The following CFAP61 variants were observed in gnomAD, a reference collection of about 807,000 sequenced individuals.
CFAP61 encodes the protein cilia and flagella associated protein 61.
Under a neutral mutation model 135.6 loss-of-function variants are expected in CFAP61, and 107 were observed. That is an observed-to-expected ratio of 0.79 (90% CI 0.67 to 0.93). CFAP61 has a LOEUF of 0.93. CFAP61 is among the 40% of genes least tolerant of loss of function. The pLI is 0.00. For synonymous variants in CFAP61, 575 were observed against 578.5 expected (o/e 0.99, Z 0.09); for missense variants, 1,507 against 1,556.2 (o/e 0.97, Z 0.53).
chr20:20,164,070 C>T lies in CFAP61; in HGVS notation c.1047C>T (p.Asp349=). 1.9e-6 allele frequency: 3 copies of T among 1,610,936 alleles called. No homozygotes were observed. Among genetic ancestry groups the T allele is most frequent in the Non-Finnish European group, 2.5e-6 (3 of 1,178,436 alleles). ...SEPEDIEKLS[D]ISTGYAQYHH... ...TCTAGGACATAGAAAAACTCAGTGA[C>T]ATCTCCACTGGATATGCACAGTATC... The change falls in exon 11 of 27, where the codon GAC becomes GAT. Residue 349 remains aspartate, a synonymous_variant. Coordinates refer to ENST00000245957, the MANE Select transcript of CFAP61 (RefSeq NM_015585.4).
At chr20:20,055,628 T>C (rs1332679605) in intron 1 of CFAP61, among the ~76,000 whole-genome samples, 1 of 152,264 alleles carries the variant, frequency 6.6e-6, no homozygotes, top group East Asian at 1.9e-4. Context: ...GTTATCTAAT[T>C]AATTATACTT....
intron 21 of CFAP61, among the ~76,000 whole-genome samples, chr20:20,273,680 C>T (rs928424840): frequency 6.6e-6 from 1 of 152,200 alleles, no homozygotes; most frequent in Non-Finnish European, 1.5e-5. Flanking sequence ...GTGCTAGGCT[C>T]CAGGGATAAC....
At chr20:20,318,674 G>A (rs1375078862) in intron 25 of CFAP61, among the ~76,000 whole-genome samples, 1 of 152,144 alleles carries the variant, frequency 6.6e-6, no homozygotes, top group African/African-American at 2.4e-5. Context: ...CTTGCCTAGT[G>A]CCACCTTGAA....
chr20:20,328,834 G>A (rs763667088), intron 25 of CFAP61, among the ~76,000 whole-genome samples: 1 of 152,152 alleles, frequency 6.6e-6, no homozygotes, highest in Non-Finnish European at 1.5e-5. Context: ...GGAATGAGAT[G>A]TCACCTCGTA....
intron 7 of CFAP61, 126 bp downstream of exon 7, chr20:20,091,102 C>T: frequency 9.3e-7 from 1 of 1,079,400 alleles, no homozygotes; most frequent in East Asian, 2.4e-5. Context: ...GGCCCTCCCA[C>T]TGCCCTTCCA....
intron 8 of CFAP61, among the ~76,000 whole-genome samples, chr20:20,135,952 C>T (rs1049286406): frequency 6.6e-6 from 1 of 150,444 alleles, no homozygotes; most frequent in Admixed American, 6.7e-5. Context: ...TTTTGTTTGT[C>T]TAGGAAAGTC....
chr20:20,107,875 C>T (rs1016777526), intron 8 of CFAP61: 3 of 152,270 alleles, frequency 2.0e-5, no homozygotes, highest in Admixed American at 2.0e-4. Context: ...AATCTTCCTG[C>T]CTTGGCCTCC....
chr20:20,178,587 A>G (rs1226131757), intron 13 of CFAP61, among the ~76,000 whole-genome samples: 1 of 152,200 alleles, frequency 6.6e-6, no homozygotes, highest in Non-Finnish European at 1.5e-5. Flanking sequence ...TATTTTTTAT[A>G]AATAAATATT....
chr20:20,315,239 T>G (rs976579269), intron 25 of CFAP61, among the ~76,000 whole-genome samples: 9 of 152,126 alleles, frequency 5.9e-5, no homozygotes, highest in Admixed American at 3.3e-4. Flanking sequence ...CTAACTGGTG[T>G]GAGATGGTAT....
At chr20:20,357,900 G>A (rs1602193771) in intron 26 of CFAP61, among the ~76,000 whole-genome samples, 3 of 141,138 alleles carry the variant, frequency 2.1e-5, no homozygotes, top group Middle Eastern at 4.2e-3. Context: ...TAGTGTGAGG[G>A]GAGGTGGTCA....
chr20:20,063,752 G>A (rs1012619791), intron 2 of CFAP61, among the ~76,000 whole-genome samples: 7 of 152,074 alleles, frequency 4.6e-5, no homozygotes, highest in South Asian at 4.1e-4. Context: ...AGGAAGAAAC[G>A]AAATTGTCAT....
At chr20:20,106,016 ATATATATATATATATAT>A (rs2048371698) in intron 8 of CFAP61, among the ~76,000 whole-genome samples, 1 of 29,544 alleles carries the variant, frequency 3.4e-5, no homozygotes, top group African/African-American at 1.6e-4. Context: ...ATATATATAT[ATATATATATATATATAT>A]ATATATATAT....
chr20:20,199,686 G>T, intron 16 of CFAP61, 82 bp from the exon 17 acceptor site: 5 of 1,454,262 alleles, frequency 3.4e-6, no homozygotes, highest in East Asian at 2.4e-5. Context: ...TAAGAGTTTT[G>T]TATTTGTAAA....
chr20:20,326,878 A>G (rs1194644952), intron 25 of CFAP61, among the ~76,000 whole-genome samples: 2 of 152,206 alleles, frequency 1.3e-5, no homozygotes, highest in Non-Finnish European at 2.9e-5. Flanking sequence ...TTGAAGTTAC[A>G]GGTTAATTTG....
chr20:20,092,974 A>C (rs1274412279), intron 7 of CFAP61, among the ~76,000 whole-genome samples: 1 of 152,242 alleles, frequency 6.6e-6, no homozygotes. Context: ...TTCCATACAC[A>C]GAATTGAAAA....
intron 26 of CFAP61, among the ~76,000 whole-genome samples, chr20:20,356,158 G>A (rs1258953042): frequency 1.5e-5 from 2 of 134,230 alleles, no homozygotes; most frequent in African/African-American, 5.6e-5. Flanking sequence ...TCACACTGAG[G>A]GGAAGTGGTC....
At chr20:20,220,699 T>G (rs575678888) in intron 17 of CFAP61, among the ~76,000 whole-genome samples, 3 of 152,252 alleles carry the variant, frequency 2.0e-5, no homozygotes, top group Non-Finnish European at 4.4e-5. Flanking sequence ...AGGGTTTGTT[T>G]GGTTTTCCTT....
Position 20,290,302 on chromosome 20 carries a change from G to A in CFAP61, c.3127G>A (p.Gly1043Ser), listed in dbSNP as rs752355129. 1 of 1,607,374 alleles carries A rather than the reference G, an allele frequency of 6.2e-7. No individual in the cohort carries two copies. The highest frequency in any genetic ancestry group is 2.2e-5 in the East Asian group (1 of 44,858). Residue 1043 changes from glycine to serine, a missense_variant and splice_region_variant, in exon 24 of 27, where the codon GGC becomes AGC. Physicochemically the swap from Gly to Ser is moderately conservative, Grantham distance 56. Transcript: ENST00000245957. The part of the protein sequence containing the change: ...PMYKGAKIQG[G>S]ILPGSYHYLH... ...GGAAAACTTGCCATCTCTTCTAGGG[G>A]GCATTCTTCCTGGGTCTTACCATTA...
intron 6 of CFAP61, among the ~76,000 whole-genome samples, chr20:20,077,958 A>G (rs1314281374): frequency 6.6e-6 from 1 of 152,238 alleles, no homozygotes; most frequent in Non-Finnish European, 1.5e-5. Flanking sequence ...AAATGCCTGG[A>G]AAGGAAGGGG....
Sources: gnomAD v4.1 joint callset for allele counts (sites outside exome capture counted in the v4.1 genomes callset) on GRCh38, gnomAD v4.1.1 for gene constraint, MANE v1.5 for transcripts, NCBI Gene and HGNC (gene_info 2026-07-23, HGNC 2026-07-21) for gene names.